Variants in PKHD1L1 observed in about 807,000 individuals in gnomAD.
PKHD1L1 encodes the protein PKHD1 like 1, also known as fibrocystin-L.
A neutral mutation model predicts 462.9 loss-of-function variants in PKHD1L1; 434 were observed. The observed-to-expected ratio is 0.94, with a 90% CI of 0.87 to 1.02. The LOEUF (loss-of-function observed/expected upper bound fraction) is 1.02. Ranked by LOEUF, PKHD1L1 falls within the 50% of genes least tolerant of loss-of-function variation. The pLI, the probability that PKHD1L1 is intolerant of heterozygous loss-of-function variation, is 0.00. For missense variants in PKHD1L1, 5,202 were observed against 5,096.1 expected (o/e 1.02, Z -0.63); for synonymous variants, 1,781 against 1,750.0 (o/e 1.02, Z -0.44).
At position 109,400,233 on chromosome 8, in the gene PKHD1L1, A is replaced by G. The variant is rs1813203354; in HGVS notation, c.1170A>G (p.Ala390=). ...IWLMEQDTFV[A]RFSGFLVAPD... ...TCATGGAACAAGACACATTTGTTGC[A>G]CGCTTTAGTGGATTTTTGGTGGCTC... The change falls in exon 13 of 78, where the codon GCA becomes GCG. Residue 390 remains alanine (A), a synonymous_variant. Transcript: ENST00000378402. 3 of 1,613,558 alleles carry G rather than the reference A, an allele frequency of 1.9e-6. No homozygotes were observed. Among genetic ancestry groups the G allele is most frequent in the Non-Finnish European group, 2.5e-6 (3 of 1,179,690 alleles).
At position 109,400,294 on chromosome 8, in the gene PKHD1L1, G is replaced by A. The variant is rs1326163105; in HGVS notation, c.1231G>A (p.Asp411Asn). Reference protein sequence around the residue: ...SDVYRFYIKGDDRYAIYFSQT... With the variant: ...SDVYRFYIKGNDRYAIYFSQT... The stretch of plus-strand genomic sequence containing the variant: ...TGTTTATAGATTCTACATCAAGGGT[G>A]ATGACCGTTATGCTATTTATTTTAG... The change falls in exon 13 of 78, where the codon GAT becomes AAT. Residue 411 changes from aspartate to asparagine, a missense_variant. Around this residue, in one of 3 missense-constraint regions of PKHD1L1, gnomAD observed 4,497 missense variants for 4,336.8 expected, o/e 1.04. Coordinates refer to ENST00000378402, the MANE Select transcript of PKHD1L1 (RefSeq NM_177531.6). 2 of 1,613,474 alleles carry A rather than the reference G, an allele frequency of 1.2e-6. No individual in the cohort carries two copies. Among genetic ancestry groups the A allele is most frequent in the Non-Finnish European group, 1.7e-6 (2 of 1,179,542 alleles).
chr8:109,527,133 A>C, intron 77 of PKHD1L1, 113 bp downstream of exon 77: 1 of 901,594 alleles, frequency 1.1e-6, no homozygotes, highest in Non-Finnish European at 1.7e-6. Context: ...GCACAAAGAG[A>C]AAGTAACAGC....
At chr8:109,419,290 A>T (rs1393112451) in intron 22 of PKHD1L1, 30 bp downstream of exon 22, 4 of 1,508,084 alleles carry the variant, frequency 2.7e-6, no homozygotes, top group African/African-American at 1.4e-5. Flanking sequence ...CTCTGCTTTA[A>T]TCTAAATATA....
intron 11 of PKHD1L1, among the ~76,000 whole-genome samples, chr8:109,396,962 T>C (rs189648097): frequency 6.6e-6 from 1 of 152,324 alleles, no homozygotes; most frequent in East Asian, 1.9e-4. Flanking sequence ...ATTTATACAG[T>C]CTTCTTTCGT....
At chr8:109,496,227 G>A (rs1819077600) in intron 63 of PKHD1L1, among the ~76,000 whole-genome samples, 2 of 152,144 alleles carry the variant, frequency 1.3e-5, no homozygotes, top group Admixed American at 1.3e-4. Flanking sequence ...TAGTAGGAGA[G>A]AAGAGATGGA....
chr8:109,525,051 A>G (rs1188753451), intron 76 of PKHD1L1, among the ~76,000 whole-genome samples: 1 of 152,208 alleles, frequency 6.6e-6, no homozygotes, highest in Non-Finnish European at 1.5e-5. Context: ...TTAGAATAAC[A>G]ACAAAGCATT....
intron 14 of PKHD1L1, among the ~76,000 whole-genome samples, chr8:109,402,575 G>A (rs1420163082): frequency 6.6e-6 from 1 of 152,084 alleles, no homozygotes; most frequent in Non-Finnish European, 1.5e-5. Flanking sequence ...AGTAAAGAGG[G>A]GAGTCCTAAT....
In PKHD1L1 at chr8:109,477,320, T is replaced by G. The variant is rs1174153122; in HGVS notation, c.9013T>G (p.Cys3005Gly). The G allele has an allele frequency of 1.2e-6, 2 of 1,613,618 alleles. No homozygotes were observed. Among genetic ancestry groups the G allele is most frequent in the South Asian group, 2.2e-5 (2 of 91,066 alleles). The change falls in exon 53 of 78, where the codon TGT becomes GGT. Residue 3005 changes from cysteine (C) to glycine (G), a missense_variant. Cys to Gly is a radical substitution (Grantham distance 159). This residue lies in a region of PKHD1L1 where 4,497 missense variants were observed against 4,336.8 expected (regional missense o/e 1.04). Coordinates refer to ENST00000378402, the MANE Select transcript of PKHD1L1 (RefSeq NM_177531.6). ...DVVINFQAYC[C>G]ILQDCFPVHP... ...TGTTATTAATTTCCAAGCTTACTGTTGTATTCTCCAGGATTGCTTTCCTGT... is the reference window on the plus strand; with the variant it reads ...TGTTATTAATTTCCAAGCTTACTGTGGTATTCTCCAGGATTGCTTTCCTGT...
At chr8:109,367,106 T>G (rs1811271678) in intron 2 of PKHD1L1, among the ~76,000 whole-genome samples, 1 of 152,180 alleles carries the variant, frequency 6.6e-6, no homozygotes, top group South Asian at 2.1e-4. Flanking sequence ...TAAAATAAAT[T>G]AATAAATGCT....
intron 2 of PKHD1L1, among the ~76,000 whole-genome samples, chr8:109,367,619 G>A (rs1048454801): frequency 2.0e-5 from 3 of 152,230 alleles, no homozygotes; most frequent in Non-Finnish European, 4.4e-5. Flanking sequence ...ACGTTGGTCC[G>A]TGCCTGTAAT....
intron 51 of PKHD1L1, 106 bp downstream of exon 51, chr8:109,475,375 C>T (rs1817928294): frequency 1.1e-6 from 1 of 943,952 alleles, no homozygotes; most frequent in Non-Finnish European, 1.5e-6. Context: ...ACTTTCATCA[C>T]AAATTGAGCT....
chr8:109,531,490 A>C lies in PKHD1L1; in HGVS notation c.*1400A>C, dbSNP rs1338295183. Among the ~76,000 whole-genome samples, 1 of 151,970 alleles carries C rather than the reference A, an allele frequency of 6.6e-6. No homozygotes were observed. Among genetic ancestry groups the C allele is most frequent in the African/African-American group, 2.4e-5 (1 of 41,350 alleles). On this transcript the variant is annotated 3_prime_UTR_variant, in exon 78 of 78. Transcript: ENST00000378402. ...GAGACAGAGACAGAGAGGGAGGGGGAGAGAGAGATAGATAGAGAGAGAGAG... is the reference window on the plus strand; with the variant it reads ...GAGACAGAGACAGAGAGGGAGGGGGCGAGAGAGATAGATAGAGAGAGAGAG...
chr8:109,498,553 G>C lies in PKHD1L1; in HGVS notation c.10691G>C (p.Arg3564Pro), dbSNP rs201721695. ...AATATTGAACTCACTGCTGCTCATC[G>C]GAGTCCTAGATCTCCATCAGGTGAA... The part of the protein sequence containing the change: ...DPNIELTAAH[R>P]SPRSPSGGRS... Residue 3564 changes from arginine to proline, a missense_variant, in exon 66 of 78, where the codon CGG becomes CCG. Physicochemically the swap from Arg to Pro is moderately radical, Grantham distance 103 (BLOSUM62 -2). Transcript: ENST00000378402. 6.3e-4 allele frequency: 1,014 copies of C among 1,613,110 alleles called. 2 individuals carry two copies. The highest frequency in any genetic ancestry group is 2.5e-3 in the South Asian group (227 of 91,072).
chr8:109,503,524 T>C (rs985086323), intron 67 of PKHD1L1, among the ~76,000 whole-genome samples: 1 of 152,224 alleles, frequency 6.6e-6, no homozygotes, highest in Non-Finnish European at 1.5e-5. Context: ...AGAAGGGGCA[T>C]AGATAAAACA....
chr8:109,470,387 C>T lies in PKHD1L1; in HGVS notation c.8605+3618C>T, dbSNP rs534576759. On this transcript the variant is annotated intron_variant, in intron 50 of 77. Transcript: ENST00000378402. Reference sequence around the variant, plus strand: ...GAACCCAAGCTTATTATAGATCTTTCCAATTGGAGAGAACAAAGCAAAGAA... The same window carrying T: ...GAACCCAAGCTTATTATAGATCTTTTCAATTGGAGAGAACAAAGCAAAGAA... 2.4e-5 allele frequency: 37 copies of T among 1,574,012 alleles called. 1 individual carries two copies. In the East Asian group the frequency reaches 7.9e-4, roughly 33 times the overall value.
chr8:109,390,296 T>C (rs542561033), intron 8 of PKHD1L1, among the ~76,000 whole-genome samples, 156 bp from the exon 9 acceptor site: 12 of 152,354 alleles, frequency 7.9e-5, no homozygotes, highest in African/African-American at 2.9e-4. Flanking sequence ...TTTAGGATAG[T>C]TCAATTTTTA....
Position 109,373,057 on chromosome 8 carries a change from T to A in PKHD1L1, c.164-8313T>A, listed in dbSNP as rs535847283. 1.1e-4 allele frequency among the ~76,000 whole-genome samples: 17 copies of A among 152,340 alleles called. No homozygotes were observed. The South Asian group carries it at 3.5e-3, about 32-fold the overall frequency. ...GGATGATTCCCTCTTTTTCTATTGA[T>A]TGGAATAATTTCAGAAGGAATGGTA... On this transcript the variant is annotated intron_variant, in intron 2 of 77. Transcript: ENST00000378402.
At chr8:109,508,445 G>A (rs1166007035) in intron 70 of PKHD1L1, among the ~76,000 whole-genome samples, 181 bp downstream of exon 70, 5 of 151,996 alleles carry the variant, frequency 3.3e-5, no homozygotes, top group Non-Finnish European at 7.4e-5. Context: ...ACCTCATCCA[G>A]GGAAGCAAGG....
At chr8:109,451,197 G>C (rs1313399770) in intron 41 of PKHD1L1, 48 bp downstream of exon 41, 1 of 1,524,646 alleles carries the variant, frequency 6.6e-7, no homozygotes, top group Non-Finnish European at 8.9e-7. Flanking sequence ...CCAGACTTGA[G>C]CCATTACTCC....
Sources: gnomAD v4.1 joint callset for allele counts (sites outside exome capture counted in the v4.1 genomes callset) on GRCh38, gnomAD v4.1.1 for gene constraint, gnomAD v4.1.1 regional missense constraint, MANE v1.5 for transcripts, NCBI Gene and HGNC (gene_info 2026-07-23, HGNC 2026-07-21) for gene names.